The following GAL3ST2 variants were observed in gnomAD, a reference collection of about 807,000 sequenced individuals.
GAL3ST2 encodes galactose-3-O-sulfotransferase 2.
Under a neutral mutation model 12.9 loss-of-function variants are expected in GAL3ST2, and 16 were observed. The observed-to-expected ratio is 1.24, with a 90% CI of 0.84 to 1.88. GAL3ST2 has a LOEUF of 1.88. Among genes scored for constraint, GAL3ST2 ranks in the 40% most tolerant of loss-of-function variants. The pLI, the probability that GAL3ST2 is intolerant of heterozygous loss-of-function variation, is 0.00. For synonymous variants in GAL3ST2, 302 were observed against 273.9 expected (o/e 1.10, Z -1.01); for missense variants, 639 against 571.8 (o/e 1.12, Z -1.20).
intron 1 of GAL3ST2, among the ~76,000 whole-genome samples, chr2:241,787,720 C>T (rs1392166302): frequency 6.6e-6 from 1 of 152,072 alleles, no homozygotes; most frequent in Non-Finnish European, 1.5e-5. Flanking sequence ...TGAGACCCTT[C>T]CCTAGGTAAG....
intron 1 of GAL3ST2, among the ~76,000 whole-genome samples, chr2:241,777,608 C>T (rs541896333): frequency 1.3e-5 from 2 of 152,270 alleles, no homozygotes; most frequent in Admixed American, 6.5e-5. Context: ...GCCGTCCCTG[C>T]GCTGGCAGGT....
At chr2:241,799,019 GC>G in intron 1 of GAL3ST2, 45 bp from the exon 2 acceptor site, 1 of 1,507,938 alleles carries the variant, frequency 6.6e-7, no homozygotes, top group Non-Finnish European at 9.2e-7. Flanking sequence ...TGGGGGTGGG[GC>G]TGGCACGACC....
intron 1 of GAL3ST2, among the ~76,000 whole-genome samples, chr2:241,783,870 A>T (rs1380352731): frequency 6.6e-6 from 1 of 152,180 alleles, no homozygotes; most frequent in African/African-American, 2.4e-5. Flanking sequence ...GAACGAACTT[A>T]GTTTATAGTT....
chr2:241,785,674 A>G (rs1699619312), intron 1 of GAL3ST2, among the ~76,000 whole-genome samples: 1 of 152,064 alleles, frequency 6.6e-6, no homozygotes, highest in Non-Finnish European at 1.5e-5. Flanking sequence ...TCTCTTATAA[A>G]CTATTTTAGG....
At position 241,793,091 on chromosome 2, in the gene GAL3ST2, AGACTGTGCCCT is replaced by A; in HGVS notation, c.30-5970_30-5960del. 6.6e-6 allele frequency among the ~76,000 whole-genome samples: 1 copy of A among 152,322 alleles called. No homozygotes were observed. The highest frequency in any genetic ancestry group is 1.5e-5 in the Non-Finnish European group (1 of 68,020). ...ATGTCTCCCTACAATGTATAAAGCC[AGACTGTGCCCT>A]GACCACCTTGGGCACACGTCATCAG... On this transcript the variant is annotated intron_variant, in intron 1 of 3. Transcript: ENST00000192314. This position sits in a 1 kb window ranked among gnomAD's most constrained non-coding sequence, Gnocchi z 4.7.
Position 241,802,657 on chromosome 2 carries a change from G to C in GAL3ST2, c.375+621G>C, listed in dbSNP as rs1388705851. Among the ~76,000 whole-genome samples the C allele has an allele frequency of 6.6e-6, 1 of 150,756 alleles. No homozygotes were observed. Among genetic ancestry groups the C allele is most frequent in the East Asian group, 1.9e-4 (1 of 5,130 alleles). On this transcript the variant is annotated intron_variant, in intron 3 of 3. Coordinates refer to ENST00000192314, the MANE Select transcript of GAL3ST2 (RefSeq NM_022134.3). This position sits in a 1 kb window ranked among gnomAD's most constrained non-coding sequence, Gnocchi z 4.8. The stretch of plus-strand genomic sequence containing the variant: ...CGGGGCAGAGGGAGGAGGAGGGGCC[G>C]GGAGGAGGGGAAAGGAAGAGGGTGG...
Position 241,804,118 on chromosome 2 carries a change from G to A in GAL3ST2, c.1149G>A (p.Leu383=). ...AGTACATGGCCCGCCTGTACGCCCT[G>A]CAGTTCCCGGAGAAGCCCCTCAAGA... ...ELQYMARLYA[L]QFPEKPLKNI... is the part of the protein sequence containing the mutation. The change falls in exon 4 of 4, where the codon CTG becomes CTA. Residue 383 remains leucine, a synonymous_variant. Coordinates refer to ENST00000192314, the MANE Select transcript of GAL3ST2 (RefSeq NM_022134.3). 6.7e-7 allele frequency: 1 copy of A among 1,501,242 alleles called. No individual in the cohort carries two copies. Among genetic ancestry groups the A allele is most frequent in the Non-Finnish European group, 8.9e-7 (1 of 1,124,124 alleles). The allele number at this position is 1,501,242 out of a possible 1,614,324, so 93.0% of individuals were successfully genotyped here. A position where few individuals can be genotyped will look rare whatever the true frequency, so the allele number is the denominator to read the frequency against.
In GAL3ST2 at chr2:241,803,822, C is replaced by CATTT. The variant is rs1699893273; in HGVS notation, c.854_857dup (p.Phe286LeufsTer89). The stretch of plus-strand genomic sequence containing the variant: ...CGCGCTGGACTGGCGCCTGTACGAG[C>CATTT]ATTTCAACCGCACCCTCTGGGCGCA... On this transcript the variant is annotated frameshift_variant, in exon 4 of 4. Coordinates refer to ENST00000192314, the MANE Select transcript of GAL3ST2 (RefSeq NM_022134.3). LOFTEE classifies it low-confidence loss of function (END_TRUNC). The CATTT allele has an allele frequency of 1.3e-6, 2 of 1,492,406 alleles. No individual in the cohort carries two copies. Among genetic ancestry groups the CATTT allele is most frequent in the South Asian group, 1.3e-5 (1 of 77,902 alleles). The allele number at this position is 1,492,406 out of a possible 1,614,324, so 92.4% of individuals were successfully genotyped here.
At position 241,802,605 on chromosome 2, in the gene GAL3ST2, CGG is replaced by C. The variant is rs980497377; in HGVS notation, c.375+573_375+574del. On this transcript the variant is annotated intron_variant, in intron 3 of 3. Coordinates refer to ENST00000192314, the MANE Select transcript of GAL3ST2 (RefSeq NM_022134.3). This position sits in a 1 kb window ranked among gnomAD's most constrained non-coding sequence, Gnocchi z 4.8. ...AGGTGATGGGCAGAGAGCGGGGCAG[CGG>C]GGGTGTGCTGTGGGGTGGGGGCTGC... Among the ~76,000 whole-genome samples the C allele has an allele frequency of 1.5e-4, 10 of 65,142 alleles. No individual in the cohort carries two copies. Among genetic ancestry groups the C allele is most frequent in the African/African-American group, 5.9e-4 (10 of 16,942 alleles). 42.7% of individuals were successfully genotyped at this position (65,142 alleles called of 152,430 possible). A position where few individuals can be genotyped will look rare whatever the true frequency, so the allele number is the denominator to read the frequency against.
chr2:241,791,072 G>A (rs1173120793), intron 1 of GAL3ST2, among the ~76,000 whole-genome samples: 4 of 152,122 alleles, frequency 2.6e-5, no homozygotes, highest in South Asian at 2.1e-4. Context: ...TTTGATTGAT[G>A]TCTCATGTCT....
At position 241,792,191 on chromosome 2, in the gene GAL3ST2, G is replaced by GTTA. The variant is rs952888663; in HGVS notation, c.30-6859_30-6857dup. On this transcript the variant is annotated intron_variant, in intron 1 of 3. Transcript: ENST00000192314. ...ACCCTGCCCAGCTAATTTTTGTATT[G>GTTA]TTATTATTATTATTATTTAGTAAAG... Among the ~76,000 whole-genome samples, 10 of 150,308 alleles carry GTTA rather than the reference G, an allele frequency of 6.7e-5. No individual in the cohort carries two copies. In the South Asian group the frequency reaches 1.5e-3, roughly 22 times the overall value.
chr2:241,801,840 A>C lies in GAL3ST2; in HGVS notation c.179A>C (p.His60Pro), dbSNP rs1699853253. The C allele has an allele frequency of 1.2e-6, 2 of 1,612,780 alleles. No individual in the cohort carries two copies. The highest frequency in any genetic ancestry group is 3.3e-5 in the Admixed American group (2 of 60,004). The change falls in exon 3 of 4, where the codon CAC (histidine) becomes CCC (proline). Residue 60 changes from histidine to proline, a missense_variant. Transcript: ENST00000192314. This position sits in a 1 kb window ranked among gnomAD's most constrained non-coding sequence, Gnocchi z 4.4. ...ACCAACATCATGTTCCTGAAGACGC[A>C]CAAGACGGCCAGCAGCACGGTGCTC... ...PVTNIMFLKT[H>P]KTASSTVLNI...
At position 241,800,657 on chromosome 2, in the gene GAL3ST2, A is replaced by G. The variant is rs1218915237; in HGVS notation, c.120-1124A>G. Among the ~76,000 whole-genome samples the G allele has an allele frequency of 1.3e-5, 2 of 152,194 alleles. No homozygotes were observed. The highest frequency in any genetic ancestry group is 2.4e-5 in the African/African-American group (1 of 41,438). On this transcript the variant is annotated intron_variant, in intron 2 of 3. Transcript: ENST00000192314. The surrounding 1 kb of genome is among the most constrained non-coding windows in gnomAD (Gnocchi z 5.2). Reference sequence around the variant, plus strand: ...GGCTGGGGGTCCCTGCTCAGGGGACAGTTACTGAAATGCGGCTCTTGTCCG... The same window carrying G: ...GGCTGGGGGTCCCTGCTCAGGGGACGGTTACTGAAATGCGGCTCTTGTCCG...
rs73106158 is a variant in GAL3ST2 at position 241,787,247 on chromosome 2, T to C, written c.29+10263T>C. On this transcript the variant is annotated intron_variant, in intron 1 of 3. Transcript: ENST00000192314. ...CTGTGCTCTGACTACCTTGGACACA[T>C]GTGGTCAGGACTTCCTGAGGCTGGC... is the stretch of plus-strand genomic sequence containing the variant. 1.1e-3 allele frequency among the ~76,000 whole-genome samples: 175 copies of C among 152,238 alleles called. 3 individuals carry two copies. The highest frequency in any genetic ancestry group is 4.0e-3 in the African/African-American group (168 of 41,514).
rs918816978 is a variant in GAL3ST2 at position 241,803,757 on chromosome 2, G to T, written c.788G>T (p.Arg263Leu). ...LNSRSARSVA[R>L]LSPETRERAR... is the part of the protein sequence containing the mutation. ...TCCCGCAGCGCGCGCTCCGTGGCCC[G>T]CCTGTCGCCCGAGACCCGGGAGCGC... is the stretch of plus-strand genomic sequence containing the variant. Residue 263 changes from arginine to leucine, a missense_variant, in exon 4 of 4, where the codon CGC becomes CTC. Physicochemically the swap from Arg to Leu is moderately radical, Grantham distance 102. Transcript: ENST00000192314. The T allele has an allele frequency of 4.0e-6, 6 of 1,518,622 alleles. No homozygotes were observed. The highest frequency in any genetic ancestry group is 2.7e-5 in the East Asian group (1 of 37,560). 94.1% of individuals were successfully genotyped at this position (1,518,622 alleles called of 1,614,324 possible). A position where few individuals can be genotyped will look rare whatever the true frequency, so the allele number is the denominator to read the frequency against.
chr2:241,792,002 TTTTC>T (rs1281686637), intron 1 of GAL3ST2, among the ~76,000 whole-genome samples: 15 of 150,634 alleles, frequency 1.0e-4, no homozygotes, highest in African/African-American at 1.5e-4. Flanking sequence ...TTTTCTTTTC[TTTTC>T]TTTCTTTCTT....
chr2:241,803,309 C>T, intron 3 of GAL3ST2, 36 bp from the exon 4 acceptor site: 1 of 1,526,796 alleles, frequency 6.5e-7, no homozygotes, highest in Admixed American at 2.0e-5. Flanking sequence ...TGGCCTGGGC[C>T]CGCGGTCCGC....
In GAL3ST2 at chr2:241,803,398, C is replaced by G. The variant is rs193027654; in HGVS notation, c.429C>G (p.Pro143=). ...DTFYFSILRN[P]VFQLESSFIY... ...TCTACTTCTCCATCCTGAGGAACCC[C>G]GTGTTCCAGCTGGAGTCCTCCTTCA... Residue 143 remains proline, a synonymous_variant, in exon 4 of 4, where the codon CCC becomes CCG. Transcript: ENST00000192314. 4 of 1,612,460 alleles carry G rather than the reference C, an allele frequency of 2.5e-6. No individual in the cohort carries two copies. Among genetic ancestry groups the G allele is most frequent in the Non-Finnish European group, 3.4e-6 (4 of 1,179,412 alleles).
At position 241,802,342 on chromosome 2, in the gene GAL3ST2, CCT is replaced by C. The variant is rs1478024497; in HGVS notation, c.375+307_375+308del. ...TGTGCACAGGCCCGGCTCTCCCCAC[CCT>C]GTGACCTTCGCTTCTGTGGCTGCAG... is the stretch of plus-strand genomic sequence containing the variant. On this transcript the variant is annotated intron_variant, in intron 3 of 3. Transcript: ENST00000192314. This position sits in a 1 kb window ranked among gnomAD's most constrained non-coding sequence, Gnocchi z 4.8. Among the ~76,000 whole-genome samples, 1 of 152,210 alleles carries C rather than the reference CCT, an allele frequency of 6.6e-6. No individual in the cohort carries two copies. Among genetic ancestry groups the C allele is most frequent in the Non-Finnish European group, 1.5e-5 (1 of 68,014 alleles).
Sources: gnomAD v4.1 joint callset for allele counts (sites outside exome capture counted in the v4.1 genomes callset) on GRCh38, gnomAD v4.1.1 for gene constraint, Gnocchi (gnomAD v3.1) non-coding constraint, MANE v1.5 for transcripts, NCBI Gene and HGNC (gene_info 2026-07-23, HGNC 2026-07-21) for gene names.